Variants in FIRRM observed in about 807,000 individuals in gnomAD.
The protein encoded by FIRRM is FIGNL1-interacting regulator of recombination and mitosis.
chr1:169,814,933 A>G, the FIRRM span, among the ~76,000 whole-genome samples: 1 of 151,588 alleles, frequency 6.6e-6, no homozygotes, highest in African/African-American at 2.4e-5. Context: ...CACTTGGTAC[A>G]TTTCAGTTTT....
chr1:169,851,669 TACTA>T, the FIRRM span: 3 of 858,178 alleles, frequency 3.5e-6, no homozygotes, highest in Non-Finnish European at 5.4e-6. Flanking sequence ...ATCCAGATTA[TACTA>T]AGAGTATTTA....
At chr1:169,807,315 A>G in the FIRRM span, among the ~76,000 whole-genome samples, 1,873 of 152,318 alleles carry the variant, frequency 0.012, 42 homozygotes, top group African/African-American at 0.043. Context: ...TCATGATAAC[A>G]TTCTTTGATA....
the FIRRM span, among the ~76,000 whole-genome samples, chr1:169,784,438 T>C: frequency 1.6e-3 from 240 of 152,308 alleles, no homozygotes; most frequent in Non-Finnish European, 2.0e-3. Context: ...TACCATTTTT[T>C]TTCCCCAGCA....
At chr1:169,792,933 G>C in the FIRRM span, 6 of 1,614,014 alleles carry the variant, frequency 3.7e-6, no homozygotes, top group African/African-American at 1.3e-5. Context: ...GTTACTTTTG[G>C]TTTCCTGCAT....
the FIRRM span, chr1:169,795,551 G>C: frequency 9.4e-7 from 1 of 1,064,344 alleles, no homozygotes; most frequent in South Asian, 3.3e-5. Context: ...AGTGGATAAT[G>C]GGGGAGGCAA....
chr1:169,844,507 G>A, the FIRRM span, among the ~76,000 whole-genome samples: 3 of 152,352 alleles, frequency 2.0e-5, no homozygotes, highest in Non-Finnish European at 2.9e-5. Context: ...TGATCGAAGA[G>A]ATGATTCCTG....
At chr1:169,837,458 T>A in the FIRRM span, among the ~76,000 whole-genome samples, 1 of 152,212 alleles carries the variant, frequency 6.6e-6, no homozygotes, top group African/African-American at 2.4e-5. Flanking sequence ...ACCCCCATTT[T>A]ATGCTAACTT....
chr1:169,793,645 TAA>T, the FIRRM span: 1 of 1,613,110 alleles, frequency 6.2e-7, no homozygotes, highest in Non-Finnish European at 8.5e-7. Context: ...TAATGGGTGT[TAA>T]TTCATTTTCC....
chr1:169,822,697 A>G, the FIRRM span, among the ~76,000 whole-genome samples: 1 of 151,854 alleles, frequency 6.6e-6, no homozygotes, highest in African/African-American at 2.4e-5. Context: ...ATGGGGTTTC[A>G]CCATGTTGGT....
At chr1:169,803,979 C>T in the FIRRM span, 1 of 699,738 alleles carries the variant, frequency 1.4e-6, no homozygotes. Context: ...ATATGTGATT[C>T]AGTAAATTTA....
chr1:169,804,556 G>A, the FIRRM span, among the ~76,000 whole-genome samples: 2,259 of 152,144 alleles, frequency 0.015, 57 homozygotes, highest in African/African-American at 0.051. Flanking sequence ...TTGAGATGCA[G>A]TTTATATTTC....
chr1:169,851,987 C>T, the FIRRM span: 1 of 1,612,906 alleles, frequency 6.2e-7, no homozygotes, highest in South Asian at 1.1e-5. Context: ...AAATTCTGCC[C>T]TTTTTACTTA....
chr1:169,850,980 C>CTTTTTTTTTTTTTTTT, the FIRRM span: 11 of 31,580 alleles, frequency 3.5e-4, 1 homozygote, highest in East Asian at 1.4e-3. Flanking sequence ...TTAGGCATGG[C>CTTTTTTTTTTTTTTTT]TTTTTTTTTT....
chr1:169,836,389 G>A, the FIRRM span, among the ~76,000 whole-genome samples: 2 of 152,026 alleles, frequency 1.3e-5, no homozygotes, highest in Admixed American at 6.6e-5. Flanking sequence ...TGCCAACCAC[G>A]CTCTTTTTGA....
chr1:169,815,581 G>T, the FIRRM span, among the ~76,000 whole-genome samples: 4 of 152,166 alleles, frequency 2.6e-5, no homozygotes, highest in African/African-American at 4.8e-5. Context: ...AGTGTATAGT[G>T]AGCAGTGAGG....
the FIRRM span, among the ~76,000 whole-genome samples, chr1:169,818,518 G>A: frequency 2.6e-5 from 4 of 152,056 alleles, no homozygotes; most frequent in African/African-American, 9.7e-5. Context: ...AATTACTTAA[G>A]TCACATGAAC....
chr1:169,795,731 T>C, the FIRRM span: 4 of 985,468 alleles, frequency 4.1e-6, no homozygotes, highest in Non-Finnish European at 4.8e-6. Context: ...CTTTAAAAGA[T>C]GTTCAGTAAA....
chr1:169,802,663 C>G, the FIRRM span: 1 of 1,613,020 alleles, frequency 6.2e-7, no homozygotes, highest in Non-Finnish European at 8.5e-7. Flanking sequence ...ATTAACCAGT[C>G]AAGCCAGAGG....
the FIRRM span, among the ~76,000 whole-genome samples, chr1:169,844,637 T>G: frequency 6.6e-6 from 1 of 152,230 alleles, no homozygotes; most frequent in Admixed American, 6.5e-5. Context: ...CTATACCATA[T>G]GTATAACATG....
Sources: gnomAD v4.1 joint callset for allele counts (sites outside exome capture counted in the v4.1 genomes callset) on GRCh38, gnomAD v4.1.1 for gene constraint, MANE v1.5 for transcripts, NCBI Gene and HGNC (gene_info 2026-07-23, HGNC 2026-07-21) for gene names.